GPR158: variants seen among roughly 807,000 people sequenced by gnomAD.
The protein encoded by GPR158 is metabotropic glycine receptor.
In GPR158, 30 loss-of-function variants were observed where a neutral mutation model predicts 78.2. The ratio of observed to expected loss-of-function variants is 0.38; its 90% CI spans 0.29 to 0.52. The LOEUF is 0.52. Ranked by LOEUF, GPR158 falls within the 20% of genes least tolerant of loss-of-function variation. GPR158 has a pLI of 0.83. For synonymous variants in GPR158, 581 were observed against 591.1 expected, an observed-to-expected ratio of 0.98 and a Z score of 0.25; for missense variants, 1,463 against 1,523.5, an observed-to-expected ratio of 0.96 and a Z score of 0.66.
intron 2 of GPR158, among the ~76,000 whole-genome samples, chr10:25,353,522 A>G (rs891456136): frequency 1.3e-5 from 2 of 152,034 alleles, no homozygotes; most frequent in Non-Finnish European, 2.9e-5. Context: ...TAAAAGTGAA[A>G]TGTAAAATTC....
At chr10:25,402,098 G>A (rs1588846283) in intron 3 of GPR158, among the ~76,000 whole-genome samples, 1 of 151,998 alleles carries the variant, frequency 6.6e-6, no homozygotes, top group African/African-American at 2.4e-5. Flanking sequence ...TCAATTATTG[G>A]GACAAACTGA....
At position 25,197,625 on chromosome 10, in the gene GPR158, C is replaced by T. The variant is rs560283970; in HGVS notation, c.902+21303C>T. On this transcript the variant is annotated intron_variant, in intron 1 of 10. Transcript: ENST00000376351. ...AATCACTAGATCTCAAGGTATGAGACAGCCATTGTATATTTTAAGGCAGAT... is the reference window on the plus strand; with the variant it reads ...AATCACTAGATCTCAAGGTATGAGATAGCCATTGTATATTTTAAGGCAGAT... 6.8e-4 allele frequency among the ~76,000 whole-genome samples: 103 copies of T among 152,258 alleles called. 1 individual carries two copies. In the Middle Eastern group the frequency reaches 0.017, roughly 25 times the overall value.
intron 1 of GPR158, among the ~76,000 whole-genome samples, chr10:25,214,100 T>C (rs1853172239): frequency 6.6e-6 from 1 of 152,116 alleles, no homozygotes; most frequent in African/African-American, 2.4e-5. Flanking sequence ...GTTCACGCCA[T>C]TCTCCTGCCT....
At position 25,598,204 on chromosome 10, in the gene GPR158, A is replaced by G. The variant is rs377692033; in HGVS notation, c.2578A>G (p.Lys860Glu). The G allele has an allele frequency of 8.1e-6, 13 of 1,614,126 alleles. No homozygotes were observed. Among genetic ancestry groups the G allele is most frequent in the Non-Finnish European group, 1.1e-5 (13 of 1,180,020 alleles). Residue 860 changes from lysine (K) to glutamate (E), a missense_variant, in exon 11 of 11, where the codon AAA becomes GAA. Physicochemically the swap from Lys to Glu is moderately conservative, Grantham distance 56 (BLOSUM62 1). Transcript: ENST00000376351. ...CCTGTCGGGTAAAAAACTAACACAAAAACTAAAAGAAGACAGCGAGGCTGA... is the reference window on the plus strand; with the variant it reads ...CCTGTCGGGTAAAAAACTAACACAAGAACTAAAAGAAGACAGCGAGGCTGA... ...ESLSGKKLTQ[K>E]LKEDSEAEST...
chr10:25,275,591 A>C (rs1366957586), intron 2 of GPR158, among the ~76,000 whole-genome samples: 2 of 152,116 alleles, frequency 1.3e-5, no homozygotes, highest in African/African-American at 4.8e-5. Flanking sequence ...GGTGCTTGAT[A>C]TTTATTTATT....
chr10:25,418,028 CAAG>C lies in GPR158; in HGVS notation c.1335+5557_1335+5559del, dbSNP rs367672927. Among the ~76,000 whole-genome samples the C allele has an allele frequency of 7.3e-3, 1,114 of 152,178 alleles. 6 individuals are homozygous for C. Among genetic ancestry groups the C allele is most frequent in the Non-Finnish European group, 0.011 (782 of 68,002 alleles). On this transcript the variant is annotated intron_variant, in intron 4 of 10. Transcript: ENST00000376351. ...GAGTAGCTCTGTGAATTGACAAATC[CAAG>C]ATAGGAAAACCAATAACAATGTCAA... is the stretch of plus-strand genomic sequence containing the variant.
intron 1 of GPR158, among the ~76,000 whole-genome samples, chr10:25,196,323 T>G (rs968152535): frequency 6.6e-6 from 1 of 152,082 alleles, no homozygotes; most frequent in African/African-American, 2.4e-5. Flanking sequence ...TCATGAACCC[T>G]TTTTTTGCTC....
chr10:25,330,647 A>G (rs1855105990), intron 2 of GPR158, among the ~76,000 whole-genome samples: 1 of 152,188 alleles, frequency 6.6e-6, no homozygotes, highest in Non-Finnish European at 1.5e-5. Flanking sequence ...ACTTTCTTCT[A>G]CCCTTCATCA....
At chr10:25,497,084 G>A (rs1835891834) in intron 5 of GPR158, among the ~76,000 whole-genome samples, 1 of 152,138 alleles carries the variant, frequency 6.6e-6, no homozygotes, top group Non-Finnish European at 1.5e-5. Flanking sequence ...GCTGAGATAG[G>A]AGCTCCAAGC....
At chr10:25,463,523 T>C (rs1156758478) in intron 4 of GPR158, among the ~76,000 whole-genome samples, 1 of 152,176 alleles carries the variant, frequency 6.6e-6, no homozygotes, top group Non-Finnish European at 1.5e-5. Context: ...ATAAATAGTG[T>C]CATACTGCGT....
intron 2 of GPR158, among the ~76,000 whole-genome samples, chr10:25,377,514 C>A (rs1287831098): frequency 6.6e-6 from 1 of 151,950 alleles, no homozygotes; most frequent in Non-Finnish European, 1.5e-5. Context: ...CAGACAGAAA[C>A]CCTGTACTCA....
intron 1 of GPR158, among the ~76,000 whole-genome samples, chr10:25,184,424 G>A (rs1852654189): frequency 6.6e-6 from 1 of 152,122 alleles, no homozygotes; most frequent in Non-Finnish European, 1.5e-5. Context: ...GGGATTACAG[G>A]CCTGAGCCAG....
chr10:25,191,767 T>A (rs574210892), intron 1 of GPR158, among the ~76,000 whole-genome samples: 2 of 152,288 alleles, frequency 1.3e-5, no homozygotes, highest in African/African-American at 4.8e-5. Flanking sequence ...ATTTAAAATG[T>A]CTGGAAGGTG....
intron 6 of GPR158, among the ~76,000 whole-genome samples, chr10:25,558,872 A>G (rs1588911855): frequency 1.3e-5 from 2 of 152,178 alleles, no homozygotes; most frequent in South Asian, 2.1e-4. Context: ...TGTGACTTCA[A>G]TCCGCTTACA....
chr10:25,433,227 C>T (rs188407794), intron 4 of GPR158, among the ~76,000 whole-genome samples: 11 of 152,268 alleles, frequency 7.2e-5, no homozygotes, highest in South Asian at 2.1e-4. Flanking sequence ...CAATGTAATT[C>T]GCTCTTAAAC....
intron 7 of GPR158, 68 bp from the exon 8 acceptor site, chr10:25,588,939 T>G: frequency 8.9e-7 from 1 of 1,129,212 alleles, no homozygotes; most frequent in Admixed American, 2.2e-5. Flanking sequence ...ATAAACAAAA[T>G]GCATGCTAAA....
intron 4 of GPR158, among the ~76,000 whole-genome samples, chr10:25,443,409 G>A (rs1256774079): frequency 6.6e-6 from 1 of 151,908 alleles, no homozygotes; most frequent in African/African-American, 2.4e-5. Context: ...ATAAAAATTA[G>A]CCAGGCATGG....
At chr10:25,577,636 G>A (rs1350077137) in intron 7 of GPR158, among the ~76,000 whole-genome samples, 1 of 152,164 alleles carries the variant, frequency 6.6e-6, no homozygotes, top group Non-Finnish European at 1.5e-5. Flanking sequence ...GCACAGGGCT[G>A]CTCCAAAACT....
intron 5 of GPR158, among the ~76,000 whole-genome samples, chr10:25,522,713 CAT>C: frequency 6.6e-6 from 1 of 152,236 alleles, no homozygotes; most frequent in South Asian, 2.1e-4. Flanking sequence ...ATGGAACAAA[CAT>C]AGAAAACATG....
Sources: gnomAD v4.1 joint callset for allele counts (sites outside exome capture counted in the v4.1 genomes callset) on GRCh38, gnomAD v4.1.1 for gene constraint, MANE v1.5 for transcripts, NCBI Gene and HGNC (gene_info 2026-07-23, HGNC 2026-07-21) for gene names.